Variants in GRIN2B observed in about 807,000 individuals in gnomAD.
GRIN2B encodes the protein glutamate ionotropic receptor NMDA type subunit 2B, also known as glutamate receptor ionotropic, NMDA 2B.
In GRIN2B, 5 loss-of-function variants were observed where a neutral mutation model predicts 114.5. The observed-to-expected ratio is 0.04, with a 90% CI of 0.02 to 0.09. The LOEUF is 0.09. Ranked by LOEUF, GRIN2B falls within the 10% of genes least tolerant of loss-of-function variation. The probability of loss-of-function intolerance (pLI) is 1.00; values close to 1 mark genes in which losing one functional copy is unlikely to be tolerated. For synonymous variants in GRIN2B, 787 were observed against 745.1 expected, an observed-to-expected ratio of 1.06 and a Z score of -0.92; for missense variants, 1,108 against 1,943.5, an observed-to-expected ratio of 0.57 and a Z score of 8.08.
At chr12:13,577,058 G>A (rs1005210923) in intron 10 of GRIN2B, among the ~76,000 whole-genome samples, 3 of 151,132 alleles carry the variant, frequency 2.0e-5, no homozygotes, top group Admixed American at 6.6e-5. Flanking sequence ...GGGAGGACAA[G>A]CTGAGACTTG....
At chr12:13,931,705 G>A (rs757819931) in intron 2 of GRIN2B, among the ~76,000 whole-genome samples, 2 of 152,130 alleles carry the variant, frequency 1.3e-5, no homozygotes, top group Non-Finnish European at 2.9e-5. Context: ...TTGCACCAAC[G>A]TTGCCTCTCC....
chr12:13,769,118 G>T lies in GRIN2B; in HGVS notation c.412-15203C>A, dbSNP rs184759232. 2.0e-5 allele frequency among the ~76,000 whole-genome samples: 3 copies of T among 152,212 alleles called. No individual in the cohort carries two copies. The East Asian group carries it at 5.8e-4, about 29-fold the overall frequency. On this transcript the variant is annotated intron_variant, in intron 3 of 13. Transcript: ENST00000609686. ...TCCTTGTTTTACAGTATCATTCTTG[G>T]AATTTATTCTACAGCTTCCCATTTT...
intron 10 of GRIN2B, among the ~76,000 whole-genome samples, chr12:13,578,032 T>G (rs1407970152): frequency 1.3e-5 from 2 of 152,208 alleles, no homozygotes; most frequent in African/African-American, 2.4e-5. Context: ...TTCAAAGAGT[T>G]CACATTATAA....
intron 2 of GRIN2B, among the ~76,000 whole-genome samples, chr12:13,867,060 AATT>A (rs34454922): frequency 0.1 from 15,888 of 152,132 alleles, 935 homozygotes; most frequent in South Asian, 0.16. Flanking sequence ...TCATATAACC[AATT>A]ATTATAAGGA....
intron 3 of GRIN2B, among the ~76,000 whole-genome samples, chr12:13,763,575 C>A (rs997797763): frequency 3.3e-5 from 5 of 152,158 alleles, no homozygotes; most frequent in Non-Finnish European, 7.3e-5. Flanking sequence ...CTGTTCTATA[C>A]GAGATGATTA....
chr12:13,912,862 T>A (rs184052492), intron 2 of GRIN2B, among the ~76,000 whole-genome samples: 1 of 152,104 alleles, frequency 6.6e-6, no homozygotes, highest in Non-Finnish European at 1.5e-5. Context: ...GGGGTCAGGA[T>A]GCACATAAAA....
intron 2 of GRIN2B, among the ~76,000 whole-genome samples, chr12:13,891,226 T>C (rs915351153): frequency 6.6e-6 from 1 of 152,136 alleles, no homozygotes; most frequent in Non-Finnish European, 1.5e-5. Context: ...AATATGCAAA[T>C]CTGTGTTTTC....
At chr12:13,630,702 A>T (rs1184381945) in intron 5 of GRIN2B, among the ~76,000 whole-genome samples, 2 of 152,142 alleles carry the variant, frequency 1.3e-5, no homozygotes, top group African/African-American at 4.8e-5. Context: ...CCTGGAGACC[A>T]ACCCAAAAAC....
chr12:13,758,584 G>A lies in GRIN2B; in HGVS notation c.412-4669C>T, dbSNP rs140581614. ...TGGAATGGGTCTCCTAAGGTAGTGA[G>A]CTCTCTGTCACTGTAAGCATTCAAA... On this transcript the variant is annotated intron_variant, in intron 3 of 13. Transcript: ENST00000609686. Among the ~76,000 whole-genome samples the A allele has an allele frequency of 5.1e-3, 783 of 152,320 alleles. 2 individuals carry two copies. Among genetic ancestry groups the A allele is most frequent in the Non-Finnish European group, 6.8e-3 (465 of 68,032 alleles).
rs200704147 is a variant in GRIN2B at position 13,562,031 on chromosome 12, A to C, written c.*752T>G. ...GAGGCACCTGACTACACATGGGTGC[A>C]AGTGTGCATGAACACACATGCACGC... On this transcript the variant is annotated 3_prime_UTR_variant, in exon 14 of 14. Transcript: ENST00000609686. 6.6e-6 allele frequency: 1 copy of C among 152,642 alleles called. No individual in the cohort carries two copies. The highest frequency in any genetic ancestry group is 2.4e-5 in the African/African-American group (1 of 41,462). 9.5% of individuals were successfully genotyped at this position (152,642 alleles called of 1,614,324 possible). A position where few individuals can be genotyped will look rare whatever the true frequency, so the allele number is the denominator to read the frequency against.
intron 2 of GRIN2B, among the ~76,000 whole-genome samples, chr12:13,902,075 A>G (rs1866461614): frequency 6.6e-6 from 1 of 152,130 alleles, no homozygotes; most frequent in Non-Finnish European, 1.5e-5. Context: ...TACCCTTGCA[A>G]AAATGTTACA....
chr12:13,769,745 G>A (rs1471713039), intron 3 of GRIN2B, among the ~76,000 whole-genome samples: 2 of 152,272 alleles, frequency 1.3e-5, no homozygotes, highest in Non-Finnish European at 2.9e-5. Flanking sequence ...GCTTACAAAC[G>A]TGCCCCCCAA....
rs911263979 is a variant in GRIN2B at position 13,544,924 on chromosome 12, A to G, written c.*17859T>C. The G allele has an allele frequency of 6.6e-6, 1 of 152,118 alleles. No homozygotes were observed. The highest frequency in any genetic ancestry group is 2.4e-5 in the African/African-American group (1 of 41,416). The allele number at this position is 152,118 out of a possible 1,614,324, so 9.4% of individuals were successfully genotyped here. ...CAGCAGTCCCAAAGCTTCCTCTTCA[A>G]CTGAAGTCAGATCATATCACTCTAT... is the stretch of plus-strand genomic sequence containing the variant. On this transcript the variant is annotated 3_prime_UTR_variant, in exon 14 of 14. Transcript: ENST00000609686.
In GRIN2B at chr12:13,865,525, G is replaced by C. The variant is rs200167871; in HGVS notation, c.411+273C>G. On this transcript the variant is annotated intron_variant, in intron 3 of 13. Transcript: ENST00000609686. ...CAGGCGCCTGTAATCCCAGCTACTC[G>C]GGAGGCTGAGGCAGGAGAATCACTT... Among the ~76,000 whole-genome samples the C allele has an allele frequency of 1.5e-4, 23 of 152,174 alleles. No homozygotes were observed. In the South Asian group the frequency reaches 2.3e-3, roughly 15 times the overall value.
At position 13,547,333 on chromosome 12, in the gene GRIN2B, T is replaced by G. The variant is rs1048273160; in HGVS notation, c.*15450A>C. 5 of 152,150 alleles carry G rather than the reference T, an allele frequency of 3.3e-5. No individual in the cohort carries two copies. Among genetic ancestry groups the G allele is most frequent in the African/African-American group, 1.2e-4 (5 of 41,418 alleles). The allele number at this position is 152,150 out of a possible 1,614,324, so 9.4% of individuals were successfully genotyped here. A position where few individuals can be genotyped will look rare whatever the true frequency, so the allele number is the denominator to read the frequency against. ...TTTATATTATAGCTGTCTTTCCTTT[T>G]GTGAAGCACCAACCACTGAAGTTCA... On this transcript the variant is annotated 3_prime_UTR_variant, in exon 14 of 14. Transcript: ENST00000609686.
intron 4 of GRIN2B, among the ~76,000 whole-genome samples, chr12:13,696,968 C>T (rs1269965389): frequency 6.6e-6 from 1 of 152,082 alleles, no homozygotes; most frequent in East Asian, 1.9e-4. Context: ...TGGTGGAAGT[C>T]CTAACAAGCA....
At chr12:13,930,165 C>T (rs563312801) in intron 2 of GRIN2B, among the ~76,000 whole-genome samples, 2 of 152,278 alleles carry the variant, frequency 1.3e-5, no homozygotes, top group East Asian at 1.9e-4. Context: ...GCCTGGGCAA[C>T]AGAGCCAGAC....
intron 5 of GRIN2B, among the ~76,000 whole-genome samples, chr12:13,667,239 T>A (rs1214763389): frequency 6.6e-6 from 1 of 152,134 alleles, no homozygotes; most frequent in Non-Finnish European, 1.5e-5. Context: ...AAGAAATACA[T>A]ATCTCAACAA....
At chr12:13,813,235 T>G (rs955429068) in intron 3 of GRIN2B, among the ~76,000 whole-genome samples, 1 of 152,136 alleles carries the variant, frequency 6.6e-6, no homozygotes, top group East Asian at 1.9e-4. Context: ...GTGCCCGGCC[T>G]GGGAAATTTT....
Sources: allele counts gnomAD v4.1 joint callset (sites outside exome capture counted in the v4.1 genomes callset), GRCh38; gene constraint gnomAD v4.1.1; transcripts MANE v1.5; gene names NCBI Gene and HGNC (gene_info 2026-07-23, HGNC 2026-07-21).